The following EPHA3 variants were observed in gnomAD, a reference collection of about 807,000 sequenced individuals.
EPHA3 encodes the protein ephrin type-A receptor 3.
In EPHA3, 42 loss-of-function variants were observed where a neutral mutation model predicts 107.1. The ratio of observed to expected loss-of-function variants is 0.39; its 90% CI spans 0.31 to 0.51. The LOEUF is 0.51. EPHA3 is among the 20% of genes least tolerant of loss of function. EPHA3 has a pLI of 0.78. For missense variants in EPHA3, 1,183 were observed against 1,211.2 expected, an observed-to-expected ratio of 0.98 and a Z score of 0.35; for synonymous variants, 461 against 424.8, an observed-to-expected ratio of 1.09 and a Z score of -1.05.
intron 13 of EPHA3, among the ~76,000 whole-genome samples, chr3:89,448,116 G>T (rs1001188099): frequency 1.2e-4 from 18 of 152,080 alleles, no homozygotes; most frequent in Non-Finnish European, 1.6e-4. Flanking sequence ...GAGAATCTTG[G>T]CTCCACGTTC....
chr3:89,333,660 G>T (rs555184530), intron 3 of EPHA3, among the ~76,000 whole-genome samples: 7 of 152,202 alleles, frequency 4.6e-5, no homozygotes, highest in African/African-American at 1.7e-4. Flanking sequence ...GATCACTAAG[G>T]TCAGGAGTTC....
intron 16 of EPHA3, among the ~76,000 whole-genome samples, chr3:89,476,114 A>C (rs1206412954): frequency 6.8e-6 from 1 of 147,616 alleles, no homozygotes; most frequent in Admixed American, 6.8e-5. Flanking sequence ...TATTTATATA[A>C]ATATATAAAA....
intron 3 of EPHA3, among the ~76,000 whole-genome samples, chr3:89,336,231 G>T (rs1243754729): frequency 6.6e-6 from 1 of 152,148 alleles, no homozygotes; most frequent in Non-Finnish European, 1.5e-5. Flanking sequence ...TGAGAGAAAT[G>T]TGTAGATTGT....
chr3:89,366,422 T>C (rs1302645428), intron 5 of EPHA3, among the ~76,000 whole-genome samples: 15 of 150,694 alleles, frequency 1.0e-4, no homozygotes, highest in Admixed American at 8.6e-4. Flanking sequence ...AATAAGATAA[T>C]ATACAGCATT....
intron 3 of EPHA3, among the ~76,000 whole-genome samples, chr3:89,319,192 C>T (rs1436594346): frequency 6.6e-6 from 1 of 151,802 alleles, no homozygotes; most frequent in Non-Finnish European, 1.5e-5. Flanking sequence ...TACTATAGAA[C>T]CTAATAACTT....
chr3:89,135,815 ATC>A (rs1704298284), intron 2 of EPHA3, among the ~76,000 whole-genome samples: 1 of 151,890 alleles, frequency 6.6e-6, no homozygotes, highest in Non-Finnish European at 1.5e-5. Context: ...ATTGATTGTT[ATC>A]AAGGGGAAAA....
At chr3:89,412,265 A>G (rs547380941) in intron 9 of EPHA3, among the ~76,000 whole-genome samples, 3 of 151,818 alleles carry the variant, frequency 2.0e-5, no homozygotes, top group South Asian at 4.1e-4. Flanking sequence ...ATTATCCTGT[A>G]TCAGTTGTCT....
In EPHA3 at chr3:89,326,923, T is replaced by C. The variant is rs143377821; in HGVS notation, c.815-13993T>C. On this transcript the variant is annotated intron_variant, in intron 3 of 16. Transcript: ENST00000336596. Reference sequence around the variant, plus strand: ...GGGAAATTAGACCTACTAAGATATATGTGTTTGGTTGGACCAAGTAATTGG... The same window carrying C: ...GGGAAATTAGACCTACTAAGATATACGTGTTTGGTTGGACCAAGTAATTGG... Among the ~76,000 whole-genome samples, 851 of 152,222 alleles carry C rather than the reference T, an allele frequency of 5.6e-3. 6 individuals are homozygous for C. The highest frequency in any genetic ancestry group is 0.016 in the African/African-American group (670 of 41,542).
chr3:89,474,957 C>A (rs1347228211), intron 16 of EPHA3, among the ~76,000 whole-genome samples: 4 of 152,128 alleles, frequency 2.6e-5, no homozygotes, highest in African/African-American at 4.8e-5. Flanking sequence ...CACACTGAGT[C>A]AGGTGGTATG....
intron 2 of EPHA3, among the ~76,000 whole-genome samples, chr3:89,163,310 T>G (rs1025081627): frequency 6.6e-6 from 1 of 152,118 alleles, no homozygotes; most frequent in Non-Finnish European, 1.5e-5. Context: ...TAATGAGTAA[T>G]CATAAAATTG....
intron 15 of EPHA3, among the ~76,000 whole-genome samples, chr3:89,466,572 C>T (rs1392504609): frequency 7.6e-6 from 1 of 130,894 alleles, no homozygotes; most frequent in African/African-American, 2.9e-5. Flanking sequence ...GCGCAATATT[C>T]GGGTGGGAGT....
intron 5 of EPHA3, among the ~76,000 whole-genome samples, chr3:89,380,478 T>C (rs1708480283): frequency 6.6e-6 from 1 of 152,196 alleles, no homozygotes; most frequent in Non-Finnish European, 1.5e-5. Flanking sequence ...GTATGACGCC[T>C]TTGATAACTC....
At position 89,399,358 on chromosome 3, in the gene EPHA3, G is replaced by A. The variant is rs773835698; in HGVS notation, c.1472G>A (p.Gly491Asp). The change falls in exon 7 of 17, where the codon GGC (glycine) becomes GAC (aspartate). Residue 491 changes from glycine (G) to aspartate (D), a missense_variant. Gly to Asp is a moderately conservative substitution (Grantham distance 94). Transcript: ENST00000336596. ...AGTTATACCATTCTGAGGGCAAGAG[G>A]CACAAATGTTACCATCAGTAGCCTC... The part of the protein sequence containing the change: ...ETSYTILRAR[G>D]TNVTISSLKP... The A allele has an allele frequency of 1.9e-6, 3 of 1,613,454 alleles. No homozygotes were observed. The highest frequency in any genetic ancestry group is 2.5e-6 in the Non-Finnish European group (3 of 1,179,602).
At chr3:89,456,408 T>A (rs73846176) in intron 15 of EPHA3, among the ~76,000 whole-genome samples, 2 of 152,168 alleles carry the variant, frequency 1.3e-5, no homozygotes, top group African/African-American at 2.4e-5. Flanking sequence ...TTCTTCAGTC[T>A]TTCTGGATTT....
At position 89,116,301 on chromosome 3, in the gene EPHA3, T is replaced by C. The variant is rs538018900; in HGVS notation, c.88+8465T>C. 4.6e-5 allele frequency among the ~76,000 whole-genome samples: 7 copies of C among 152,106 alleles called. No homozygotes were observed. The South Asian group carries it at 1.5e-3, about 32-fold the overall frequency. ...TATTTAGGGTTATGTGTAATAAAAA[T>C]GAAGTGTGAATTAACAATTGGAATT... On this transcript the variant is annotated intron_variant, in intron 1 of 16. Coordinates refer to ENST00000336596, the MANE Select transcript of EPHA3 (RefSeq NM_005233.6).
chr3:89,181,016 T>C (rs1027119925), intron 2 of EPHA3, among the ~76,000 whole-genome samples: 1 of 151,984 alleles, frequency 6.6e-6, no homozygotes, highest in Non-Finnish European at 1.5e-5. Context: ...CAACACATAG[T>C]ATGAAAATTT....
chr3:89,212,588 T>C (rs1013186400), intron 3 of EPHA3, among the ~76,000 whole-genome samples: 10 of 58,396 alleles, frequency 1.7e-4, no homozygotes, highest in African/African-American at 7.0e-4. Context: ...CAAGGAAACA[T>C]CATGATTTTT....
intron 3 of EPHA3, among the ~76,000 whole-genome samples, chr3:89,232,092 T>C (rs1398032817): frequency 1.3e-5 from 2 of 152,034 alleles, no homozygotes; most frequent in Non-Finnish European, 2.9e-5. Flanking sequence ...GAAGGTGCCC[T>C]TTCTGCTTGT....
intron 2 of EPHA3, among the ~76,000 whole-genome samples, chr3:89,145,617 T>C (rs1299437407): frequency 1.3e-5 from 2 of 151,854 alleles, no homozygotes; most frequent in Non-Finnish European, 2.9e-5. Flanking sequence ...ATGAGTCAAA[T>C]TTTTTAAAAT....
Sources: gnomAD v4.1 joint callset for allele counts (sites outside exome capture counted in the v4.1 genomes callset) on GRCh38, gnomAD v4.1.1 for gene constraint, MANE v1.5 for transcripts, NCBI Gene and HGNC (gene_info 2026-07-23, HGNC 2026-07-21) for gene names.